Variants in TBC1D21 observed in about 807,000 individuals in gnomAD.
TBC1D21 encodes the protein male germ cell Rab GTPase-activating protein.
TBC1D21 carries 38 observed loss-of-function variants against 46.0 expected under a neutral mutation model. The ratio of observed to expected loss-of-function variants is 0.83; its 90% CI spans 0.64 to 1.08. The LOEUF (loss-of-function observed/expected upper bound fraction) is 1.08. TBC1D21 is among the 50% of genes least tolerant of loss of function. TBC1D21 has a pLI of 0.00. For missense variants in TBC1D21, 415 were observed against 417.9 expected, an observed-to-expected ratio of 0.99 and a Z score of 0.06; for synonymous variants, 151 against 157.2, an observed-to-expected ratio of 0.96 and a Z score of 0.29.
the TBC1D21 span, among the ~76,000 whole-genome samples, chr15:73,903,656 A>G: frequency 6.6e-6 from 1 of 152,140 alleles, no homozygotes. Flanking sequence ...ACTCTCCTCA[A>G]TGCCAATAAG....
intron 8 of TBC1D21, 148 bp downstream of exon 8, chr15:73,886,760 C>A (rs2068254622): frequency 5.6e-6 from 4 of 710,760 alleles, no homozygotes; most frequent in East Asian, 5.4e-5. Context: ...CCTGCTCCCA[C>A]CTTGCTGGAG....
the TBC1D21 span, among the ~76,000 whole-genome samples, chr15:73,905,117 G>C: frequency 2.6e-5 from 4 of 152,298 alleles, no homozygotes; most frequent in South Asian, 8.3e-4. Context: ...AGAGGCTCAG[G>C]GCCCACTTAG....
At chr15:73,897,136 G>C in the TBC1D21 span, among the ~76,000 whole-genome samples, 3 of 152,036 alleles carry the variant, frequency 2.0e-5, no homozygotes, top group African/African-American at 7.3e-5. Context: ...CTGTTTCCCT[G>C]AATGTCCTCA....
intron 1 of TBC1D21, among the ~76,000 whole-genome samples, chr15:73,880,936 A>G (rs1456417232): frequency 3.3e-5 from 5 of 152,290 alleles, no homozygotes; most frequent in Middle Eastern, 3.4e-3. Context: ...TATGTGGGGT[A>G]TTATTATAAT....
the TBC1D21 span, among the ~76,000 whole-genome samples, chr15:73,905,218 G>T: frequency 6.6e-6 from 1 of 152,210 alleles, no homozygotes; most frequent in Non-Finnish European, 1.5e-5. Context: ...ATGTTTGATT[G>T]CTTCTCCAAT....
At chr15:73,897,976 C>A in the TBC1D21 span, among the ~76,000 whole-genome samples, 1 of 152,242 alleles carries the variant, frequency 6.6e-6, no homozygotes, top group Non-Finnish European at 1.5e-5. Flanking sequence ...CCCCAGCACA[C>A]ACACACATTC....
chr15:73,875,540 A>C (rs962243400), intron 1 of TBC1D21, among the ~76,000 whole-genome samples: 8 of 152,204 alleles, frequency 5.3e-5, no homozygotes, highest in African/African-American at 1.9e-4. Context: ...TTATGCCTGA[A>C]GCCAAGGCCT....
the TBC1D21 span, among the ~76,000 whole-genome samples, chr15:73,902,885 GC>G: frequency 1.3e-5 from 2 of 152,144 alleles, no homozygotes; most frequent in African/African-American, 4.8e-5. Flanking sequence ...CCCTGGGGAG[GC>G]CCCCCTCTAC....
intron 1 of TBC1D21, among the ~76,000 whole-genome samples, chr15:73,879,667 T>A (rs2068119443): frequency 6.6e-6 from 1 of 152,322 alleles, no homozygotes; most frequent in South Asian, 2.1e-4. Flanking sequence ...CTTAAGTGAT[T>A]TGTACGCCAA....
In TBC1D21 at chr15:73,886,156, G is replaced by C. The variant is rs139385848; in HGVS notation, c.658G>C (p.Val220Leu). 1 of 1,614,196 alleles carries C rather than the reference G, an allele frequency of 6.2e-7. No individual in the cohort carries two copies. The highest frequency in any genetic ancestry group is 2.2e-5 in the East Asian group (1 of 44,892). The change falls in exon 7 of 11, where the codon GTG becomes CTG. Residue 220 changes from valine to leucine, a missense_variant. Physicochemically the swap from Val to Leu is conservative, Grantham distance 32. Coordinates refer to ENST00000300504, the MANE Select transcript of TBC1D21 (RefSeq NM_153356.3). ...CACCCTGATCACCTTCCTGGACCCC[G>C]TGTTTGCTGAGCACCTAAGTGAGTG... Reference protein sequence around the residue: ...LSTLITFLDPVFAEHLKGKGA... With the variant: ...LSTLITFLDPLFAEHLKGKGA...
Position 73,878,589 on chromosome 15 carries a change from A to G in TBC1D21, c.61-2810A>G, listed in dbSNP as rs534698921. 3.9e-5 allele frequency among the ~76,000 whole-genome samples: 6 copies of G among 152,342 alleles called. No homozygotes were observed. The East Asian group carries it at 7.7e-4, about 20-fold the overall frequency. On this transcript the variant is annotated intron_variant, in intron 1 of 10. Coordinates refer to ENST00000300504, the MANE Select transcript of TBC1D21 (RefSeq NM_153356.3). ...ATATATGAATGACCTAGACACTGAA[A>G]ACTACAAGACACTGCTGAGAGAAAT... is the stretch of plus-strand genomic sequence containing the variant.
At chr15:73,880,184 T>A (rs1340396699) in intron 1 of TBC1D21, among the ~76,000 whole-genome samples, 2 of 152,044 alleles carry the variant, frequency 1.3e-5, no homozygotes, top group Non-Finnish European at 2.9e-5. Context: ...CATGAGCCAC[T>A]GCACCTGACC....
chr15:73,894,449 G>A, the TBC1D21 span, among the ~76,000 whole-genome samples: 33 of 152,228 alleles, frequency 2.2e-4, no homozygotes, highest in Admixed American at 1.8e-3. Flanking sequence ...AGTGTGGGAG[G>A]GCCCAGATGC....
the TBC1D21 span, among the ~76,000 whole-genome samples, chr15:73,896,746 G>C: frequency 6.6e-6 from 1 of 152,168 alleles, no homozygotes; most frequent in African/African-American, 2.4e-5. Flanking sequence ...ATGCACTCCA[G>C]TTTAACTCAG....
chr15:73,891,083 T>A (rs1249610240), downstream of TBC1D21, among the ~76,000 whole-genome samples: 1 of 152,224 alleles, frequency 6.6e-6, no homozygotes, highest in African/African-American at 2.4e-5. Context: ...TCTCAGCTCA[T>A]CTGCAGTACT....
rs1183721441 is a variant in TBC1D21 at position 73,876,217 on chromosome 15, T to G, written c.60+2448T>G. On this transcript the variant is annotated intron_variant, in intron 1 of 10. Coordinates refer to ENST00000300504, the MANE Select transcript of TBC1D21 (RefSeq NM_153356.3). ...TTTGTGGGTTTTTTTTTTTTTTTTT[T>G]TTTTTTTTTTTTTTTTTTTTTTTTT... Among the ~76,000 whole-genome samples the G allele has an allele frequency of 1.5e-3, 61 of 41,630 alleles. 6 individuals carry two copies. The highest frequency in any genetic ancestry group is 5.3e-3 in the East Asian group (3 of 566). The allele number at this position is 41,630 out of a possible 152,430, so 27.3% of individuals were successfully genotyped here. A position where few individuals can be genotyped will look rare whatever the true frequency, so the allele number is the denominator to read the frequency against.
rs773441617 is a variant in TBC1D21 at position 73,887,696 on chromosome 15, A to T, written c.854A>T (p.Gln285Leu). The change falls in exon 9 of 11, where the codon CAG becomes CTG. Residue 285 changes from glutamine to leucine, a missense_variant. By Grantham distance (113) the Gln-to-Leu change is moderately radical. Transcript: ENST00000300504. ...AGCATGCTGCAGATGGTGCGGGAGC[A>T]GGTGCTGCAGGAAAGCATGGGCGGG... ...AYSMLQMVRE[Q>L]VLQESMGGDD... 4.3e-6 allele frequency: 7 copies of T among 1,613,810 alleles called. No homozygotes were observed. Among genetic ancestry groups the T allele is most frequent in the Non-Finnish European group, 8.5e-7 (1 of 1,179,902 alleles).
At chr15:73,898,880 A>AAAAAAAATAT in the TBC1D21 span, among the ~76,000 whole-genome samples, 324 of 56,712 alleles carry the variant, frequency 5.7e-3, 11 homozygotes, top group Middle Eastern at 0.019. Flanking sequence ...AAAAAAAAAA[A>AAAAAAAATAT]ATATATATAT....
chr15:73,873,692 C>T lies in TBC1D21; in HGVS notation c.-18C>T, dbSNP rs375143943. On this transcript the variant is annotated 5_prime_UTR_variant, in exon 1 of 11. Transcript: ENST00000300504. ...AAGTGAGTTCTGATCAGAGGCTGTT[C>T]GGAAGACAGCAGGGGCCATGACCAC... 25 of 1,597,464 alleles carry T rather than the reference C, an allele frequency of 1.6e-5. No homozygotes were observed. Among genetic ancestry groups the T allele is most frequent in the East Asian group, 6.8e-5 (3 of 44,194 alleles).
Sources: gnomAD v4.1 joint callset for allele counts (sites outside exome capture counted in the v4.1 genomes callset) on GRCh38, gnomAD v4.1.1 for gene constraint, MANE v1.5 for transcripts, NCBI Gene and HGNC (gene_info 2026-07-23, HGNC 2026-07-21) for gene names.